DCBLD1: variants seen among roughly 807,000 people sequenced by gnomAD.
The protein encoded by DCBLD1 is discoidin, CUB and LCCL domain containing 1, also known as discoidin, CUB and LCCL domain-containing protein 1.
Under a neutral mutation model 71.5 loss-of-function variants are expected in DCBLD1, and 57 were observed. The ratio of observed to expected loss-of-function variants is 0.80; its 90% CI spans 0.64 to 0.99. The LOEUF (loss-of-function observed/expected upper bound fraction) is 0.99. Among genes scored for constraint, DCBLD1 ranks in the 50% least tolerant of loss-of-function variants. The probability of loss-of-function intolerance (pLI) is 0.00; values close to 1 mark genes in which losing one functional copy is unlikely to be tolerated. For missense variants in DCBLD1, 891 were observed against 923.5 expected (o/e 0.96, Z 0.46); for synonymous variants, 380 against 363.8 (o/e 1.04, Z -0.51).
At chr6:117,522,532 C>A (rs1166183113) in intron 4 of DCBLD1, among the ~76,000 whole-genome samples, 2 of 152,004 alleles carry the variant, frequency 1.3e-5, no homozygotes, top group Non-Finnish European at 2.9e-5. Context: ...GCCTCAAACT[C>A]CAGGGCTCAA....
chr6:117,568,692 T>C (rs1279453331), intron 14 of DCBLD1, among the ~76,000 whole-genome samples: 3 of 152,184 alleles, frequency 2.0e-5, no homozygotes, highest in African/African-American at 7.2e-5. Flanking sequence ...GTAGCTGTCA[T>C]GGAGACACAG....
At chr6:117,567,868 T>G (rs940296739) in intron 14 of DCBLD1, among the ~76,000 whole-genome samples, 9 of 152,094 alleles carry the variant, frequency 5.9e-5, no homozygotes, top group African/African-American at 1.9e-4. Context: ...TGTACTGTCA[T>G]TCTTTAACAA....
chr6:117,531,934 C>T (rs1001773583), intron 5 of DCBLD1, among the ~76,000 whole-genome samples: 1 of 152,196 alleles, frequency 6.6e-6, no homozygotes, highest in Admixed American at 6.5e-5. Flanking sequence ...TGCCTCCACC[C>T]ACACTGGATT....
At chr6:117,509,012 T>G (rs528828884) in intron 2 of DCBLD1, among the ~76,000 whole-genome samples, 2 of 152,300 alleles carry the variant, frequency 1.3e-5, no homozygotes, top group South Asian at 2.1e-4. Flanking sequence ...GTAATTAGAC[T>G]CCCTTGCCTC....
chr6:117,531,207 A>G (rs544316626), intron 5 of DCBLD1, among the ~76,000 whole-genome samples: 1 of 152,368 alleles, frequency 6.6e-6, no homozygotes, highest in Admixed American at 6.5e-5. Flanking sequence ...ATTGTCATTA[A>G]CAAAAAGAGA....
intron 1 of DCBLD1, among the ~76,000 whole-genome samples, chr6:117,500,752 A>ACTC (rs1262811500): frequency 6.6e-6 from 1 of 152,006 alleles, no homozygotes; most frequent in East Asian, 1.9e-4. Context: ...CGTCCCACCT[A>ACTC]CTCGGGAGGC....
intron 1 of DCBLD1, among the ~76,000 whole-genome samples, chr6:117,490,902 G>T (rs1363713021): frequency 6.6e-6 from 1 of 152,288 alleles, no homozygotes; most frequent in African/African-American, 2.4e-5. Context: ...CTTAAAGGTT[G>T]AGTGTAAATG....
intron 14 of DCBLD1, chr6:117,567,084 T>C: frequency 7.2e-7 from 1 of 1,394,664 alleles, no homozygotes; most frequent in East Asian, 2.4e-5. Flanking sequence ...AATTGTAATT[T>C]AAAAAGGATT....
At chr6:117,516,915 A>G (rs1444694604) in intron 2 of DCBLD1, among the ~76,000 whole-genome samples, 2 of 152,120 alleles carry the variant, frequency 1.3e-5, no homozygotes, top group African/African-American at 2.4e-5. Flanking sequence ...CCCTCCCACA[A>G]CACGTGGGAA....
intron 5 of DCBLD1, among the ~76,000 whole-genome samples, chr6:117,531,664 G>A (rs951430180): frequency 6.6e-6 from 1 of 152,166 alleles, no homozygotes; most frequent in Non-Finnish European, 1.5e-5. Context: ...TAGGAACTTC[G>A]TTAAGCTTTC....
intron 14 of DCBLD1, chr6:117,562,903 A>G (rs1583046477): frequency 4.1e-6 from 1 of 242,894 alleles, no homozygotes; most frequent in South Asian, 1.5e-4. Context: ...ACTCCTTATA[A>G]AATTCCAGTT....
Position 117,521,524 on chromosome 6 carries a change from G to T in DCBLD1, c.461-1G>T. 6.3e-7 allele frequency: 1 copy of T among 1,575,044 alleles called. No homozygotes were observed. Among genetic ancestry groups the T allele is most frequent in the African/African-American group, 1.4e-5 (1 of 71,760 alleles). ...ATTGCAATTATCTTTATTTATGACA[G>T]ATTTAATAACATGTTTGGAACGAGC... On this transcript the variant is annotated splice_acceptor_variant, in intron 3 of 14. Transcript: ENST00000338728. LOFTEE classifies it high-confidence loss of function.
At chr6:117,490,955 A>G (rs1340201122) in intron 1 of DCBLD1, among the ~76,000 whole-genome samples, 1 of 152,234 alleles carries the variant, frequency 6.6e-6, no homozygotes, top group Non-Finnish European at 1.5e-5. Flanking sequence ...AAGGAAAGAA[A>G]AACTTTATTT....
chr6:117,560,733 T>G (rs540914403), intron 14 of DCBLD1: 128 of 203,972 alleles, frequency 6.3e-4, no homozygotes, highest in Non-Finnish European at 8.5e-4. Flanking sequence ...ATTTTAGAGG[T>G]TAAGTGTAAA....
At chr6:117,529,869 T>C (rs1778658166) in intron 5 of DCBLD1, among the ~76,000 whole-genome samples, 1 of 152,166 alleles carries the variant, frequency 6.6e-6, no homozygotes, top group African/African-American at 2.4e-5. Flanking sequence ...AATAAAAATT[T>C]TATAAAAAAG....
intron 2 of DCBLD1, among the ~76,000 whole-genome samples, chr6:117,512,277 G>T (rs536304572): frequency 1.3e-5 from 2 of 152,132 alleles, no homozygotes; most frequent in Non-Finnish European, 2.9e-5. Context: ...CTAAGAATCC[G>T]CCTGCTTCAT....
intron 1 of DCBLD1, chr6:117,494,882 G>A (rs9320604): frequency 0.6 from 91,727 of 152,096 alleles, 29,653 homozygotes; most frequent in African/African-American, 0.86. Context: ...GTCTCACAGA[G>A]CACTACTCCC....
At chr6:117,490,504 T>C (rs1777255439) in intron 1 of DCBLD1, among the ~76,000 whole-genome samples, 1 of 152,216 alleles carries the variant, frequency 6.6e-6, no homozygotes, top group Non-Finnish European at 1.5e-5. Flanking sequence ...ATTATTCAAA[T>C]TACTCTCTCT....
intron 2 of DCBLD1, among the ~76,000 whole-genome samples, chr6:117,512,282 C>T (rs1189687150): frequency 6.6e-6 from 1 of 152,178 alleles, no homozygotes; most frequent in East Asian, 1.9e-4. Flanking sequence ...AATCCGCCTG[C>T]TTCATTTATC....
Sources: allele counts gnomAD v4.1 joint callset (sites outside exome capture counted in the v4.1 genomes callset), GRCh38; gene constraint gnomAD v4.1.1; transcripts MANE v1.5; gene names NCBI Gene and HGNC (gene_info 2026-07-23, HGNC 2026-07-21).